CR1L: variants seen among roughly 807,000 people sequenced by gnomAD.
CR1L encodes complement component receptor 1-like protein.
CR1L carries 59 observed loss-of-function variants against 62.3 expected under a neutral mutation model. The observed-to-expected ratio is 0.95, with a 90% CI of 0.77 to 1.18. CR1L has a LOEUF of 1.18. Among genes scored for constraint, CR1L ranks in the 50% most tolerant of loss-of-function variants. The probability of loss-of-function intolerance (pLI) is 0.00; values close to 1 mark genes in which losing one functional copy is unlikely to be tolerated. For synonymous variants in CR1L, 279 were observed against 248.7 expected (o/e 1.12, Z -1.15); for missense variants, 700 against 702.8 (o/e 1.00, Z 0.04).
At chr1:207,677,613 G>GAC (rs774064439) in intron 2 of CR1L, 45 bp downstream of exon 2, 1 of 1,584,058 alleles carries the variant, frequency 6.3e-7, no homozygotes, top group Admixed American at 1.8e-5. Context: ...TCAAACATCT[G>GAC]TAAGATCTGA....
At chr1:207,698,851 C>T (rs1571527356) in intron 7 of CR1L, among the ~76,000 whole-genome samples, 1 of 152,110 alleles carries the variant, frequency 6.6e-6, no homozygotes, top group African/African-American at 2.4e-5. Context: ...GTCAGAGTTA[C>T]GAAGGCATTG....
chr1:207,683,994 T>A (rs1193148887), intron 4 of CR1L, 37 bp downstream of exon 4: 1 of 1,573,438 alleles, frequency 6.4e-7, no homozygotes, highest in Non-Finnish European at 8.7e-7. Context: ...CTTTTACCGA[T>A]ACATTCTAAT....
chr1:207,713,878 A>C (rs1017747801), intron 10 of CR1L, among the ~76,000 whole-genome samples: 1 of 152,056 alleles, frequency 6.6e-6, no homozygotes, highest in Non-Finnish European at 1.5e-5. Context: ...TCAGGCCTGC[A>C]TCTCCAAGGC....
At chr1:207,698,418 T>C (rs768212745) in intron 7 of CR1L, among the ~76,000 whole-genome samples, 13 of 152,212 alleles carry the variant, frequency 8.5e-5, no homozygotes, top group Admixed American at 2.0e-4. Context: ...GAGCTGGGGT[T>C]CTGATGGCTG....
intron 4 of CR1L, among the ~76,000 whole-genome samples, chr1:207,684,230 T>C (rs1663857378): frequency 6.6e-6 from 1 of 152,140 alleles, no homozygotes; most frequent in East Asian, 1.9e-4. Flanking sequence ...ATTATGTTGG[T>C]TCTACCACCT....
chr1:207,697,447 A>T, intron 5 of CR1L, 56 bp from the exon 6 acceptor site: 1 of 1,612,792 alleles, frequency 6.2e-7, no homozygotes, highest in Non-Finnish European at 8.5e-7. Flanking sequence ...CCAGTTTAAC[A>T]GTGAGAGAAA....
intron 1 of CR1L, among the ~76,000 whole-genome samples, chr1:207,666,349 G>A (rs1006015516): frequency 6.6e-6 from 1 of 152,158 alleles, no homozygotes; most frequent in Non-Finnish European, 1.5e-5. Context: ...TCTGAGAAGG[G>A]ATTCATAATT....
intron 9 of CR1L, among the ~76,000 whole-genome samples, chr1:207,707,054 A>C (rs1664278909): frequency 6.6e-6 from 1 of 152,256 alleles, no homozygotes; most frequent in South Asian, 2.1e-4. Flanking sequence ...AAATATATGT[A>C]TCAAGTGTAT....
intron 1 of CR1L, among the ~76,000 whole-genome samples, chr1:207,671,294 C>T (rs975969849): frequency 2.7e-5 from 4 of 150,836 alleles, no homozygotes; most frequent in African/African-American, 7.5e-5. Context: ...TGCAGGATCA[C>T]TGAAAAGGGA....
At chr1:207,676,829 T>C (rs1663698994) in intron 1 of CR1L, among the ~76,000 whole-genome samples, 1 of 152,124 alleles carries the variant, frequency 6.6e-6, no homozygotes. Flanking sequence ...TAATTTTTTG[T>C]ATTTTTAGTA....
At chr1:207,687,313 A>G (rs1663927905) in intron 4 of CR1L, among the ~76,000 whole-genome samples, 1 of 152,116 alleles carries the variant, frequency 6.6e-6, no homozygotes, top group East Asian at 1.9e-4. Context: ...CTTTGTTGGG[A>G]GGTCTTTTTT....
intron 11 of CR1L, among the ~76,000 whole-genome samples, chr1:207,718,975 G>C (rs1490166275): frequency 6.7e-6 from 1 of 149,378 alleles, no homozygotes; most frequent in African/African-American, 2.5e-5. Flanking sequence ...GGATGAAATT[G>C]GAAAACATCA....
At chr1:207,717,394 A>G in intron 10 of CR1L, 70 bp from the exon 11 acceptor site, 1 of 1,511,762 alleles carries the variant, frequency 6.6e-7, no homozygotes, top group East Asian at 2.3e-5. Flanking sequence ...GCACTGTCGC[A>G]GGTCACTAAT....
At chr1:207,690,295 A>G (rs772276873) in intron 4 of CR1L, among the ~76,000 whole-genome samples, 21 of 152,124 alleles carry the variant, frequency 1.4e-4, no homozygotes, top group African/African-American at 4.6e-4. Context: ...ATCATTGTAC[A>G]TAAAAGTTTT....
chr1:207,679,158 T>A (rs1663755416), intron 3 of CR1L, among the ~76,000 whole-genome samples: 2 of 142,662 alleles, frequency 1.4e-5, no homozygotes, highest in African/African-American at 5.2e-5. Context: ...CCACCATTTT[T>A]TTTTTTTTTT....
chr1:207,676,102 G>A (rs750949691), intron 1 of CR1L, among the ~76,000 whole-genome samples: 9 of 152,206 alleles, frequency 5.9e-5, no homozygotes, highest in Non-Finnish European at 1.2e-4. Flanking sequence ...TATGATAAAT[G>A]AGGATGGGAG....
At chr1:207,695,877 G>A (rs932127854) in intron 5 of CR1L, among the ~76,000 whole-genome samples, 2 of 152,050 alleles carry the variant, frequency 1.3e-5, no homozygotes, top group Admixed American at 6.6e-5. Flanking sequence ...ACAGCACTAG[G>A]GTGATGGTGA....
chr1:207,688,809 A>G (rs2102465290), intron 4 of CR1L, among the ~76,000 whole-genome samples: 1 of 152,188 alleles, frequency 6.6e-6, no homozygotes, highest in Middle Eastern at 3.4e-3. Context: ...TATCTTTATT[A>G]CTACATATTA....
At chr1:207,646,126 G>A (rs576567756) in intron 1 of CR1L, among the ~76,000 whole-genome samples, 1 of 151,618 alleles carries the variant, frequency 6.6e-6, no homozygotes, top group East Asian at 1.9e-4. Flanking sequence ...CTTTTTTGGG[G>A]GGTGGGTGGG....
Sources: allele counts gnomAD v4.1 joint callset (sites outside exome capture counted in the v4.1 genomes callset), GRCh38; gene constraint gnomAD v4.1.1; transcripts MANE v1.5; gene names NCBI Gene and HGNC (gene_info 2026-07-23, HGNC 2026-07-21).